The following CABLES1 variants were observed in gnomAD, a reference collection of about 807,000 sequenced individuals.
CABLES1 encodes Cdk5 and Abl enzyme substrate 1.
Under a neutral mutation model 57.8 loss-of-function variants are expected in CABLES1, and 36 were observed. The observed-to-expected ratio is 0.62, with a 90% CI of 0.48 to 0.82. CABLES1 has a LOEUF of 0.82. CABLES1 is among the 40% of genes least tolerant of loss of function. The pLI, the probability that CABLES1 is intolerant of heterozygous loss-of-function variation, is 0.00. For synonymous variants in CABLES1, 374 were observed against 363.0 expected (o/e 1.03, Z -0.35); for missense variants, 767 against 836.6 (o/e 0.92, Z 1.03).
chr18:23,135,206 G>A (rs1786132824), upstream of CABLES1, among the ~76,000 whole-genome samples: 2 of 152,096 alleles, frequency 1.3e-5, no homozygotes, highest in Admixed American at 6.5e-5. Context: ...TGGCTTCCGC[G>A]GCCCCGGGAG....
chr18:23,215,944 C>T (rs1371801561), intron 4 of CABLES1, among the ~76,000 whole-genome samples: 5 of 151,976 alleles, frequency 3.3e-5, no homozygotes, highest in Non-Finnish European at 5.9e-5. Flanking sequence ...TTAGTAGAGA[C>T]GGGGTTTCAC....
At chr18:23,205,660 G>A (rs2145042012) in intron 3 of CABLES1, among the ~76,000 whole-genome samples, 1 of 152,296 alleles carries the variant, frequency 6.6e-6, no homozygotes, top group South Asian at 2.1e-4. Context: ...ACTGGAGTAG[G>A]ACGGGCCCTA....
At chr18:23,214,283 A>G in intron 4 of CABLES1, 1 of 455,708 alleles carries the variant, frequency 2.2e-6, no homozygotes, top group Non-Finnish European at 3.9e-6. Flanking sequence ...TTCTTTCTAA[A>G]TCTACATTTT....
intron 1 of CABLES1, among the ~76,000 whole-genome samples, chr18:23,166,246 G>C (rs983100524): frequency 2.7e-5 from 4 of 150,774 alleles, no homozygotes; most frequent in Non-Finnish European, 4.4e-5. Context: ...TCGTTGCCCA[G>C]GCTGGAGTGC....
Position 23,248,974 on chromosome 18 carries a change from G to A in CABLES1, c.1447-3986G>A, listed in dbSNP as rs558041494. Among the ~76,000 whole-genome samples the A allele has an allele frequency of 2.6e-5, 4 of 152,342 alleles. No individual in the cohort carries two copies. In the East Asian group the frequency reaches 5.8e-4, roughly 22 times the overall value. ...CCACCCAGGAGGCTGCAGCTGCCTG[G>A]GACCAGGACTCTGGCTTTGGACTTG... On this transcript the variant is annotated intron_variant, in intron 7 of 9. Transcript: ENST00000256925.
upstream of CABLES1, among the ~76,000 whole-genome samples, chr18:23,134,856 G>C (rs1408210093): frequency 6.6e-6 from 1 of 152,200 alleles, no homozygotes; most frequent in Non-Finnish European, 1.5e-5. Flanking sequence ...TGCATCCCAA[G>C]GCGTGCATTT....
chr18:23,172,739 G>C (rs74965431), intron 1 of CABLES1, among the ~76,000 whole-genome samples: 4,745 of 152,290 alleles, frequency 0.031, 250 homozygotes, highest in African/African-American at 0.11. Flanking sequence ...CAGCTCTCAT[G>C]CTGCAAATTC....
At chr18:23,185,151 C>T (rs890225325) in intron 1 of CABLES1, among the ~76,000 whole-genome samples, 1 of 152,102 alleles carries the variant, frequency 6.6e-6, no homozygotes, top group Non-Finnish European at 1.5e-5. Context: ...TCCAAATGAG[C>T]CTTTCTCGTT....
intron 4 of CABLES1, among the ~76,000 whole-genome samples, chr18:23,218,293 T>C (rs1050959973): frequency 9.6e-5 from 14 of 145,686 alleles, no homozygotes; most frequent in Non-Finnish European, 1.8e-4. Flanking sequence ...CATCCTCACT[T>C]GCCCTGCCTC....
chr18:23,242,858 G>A (rs45568539), intron 7 of CABLES1, among the ~76,000 whole-genome samples: 27,746 of 152,036 alleles, frequency 0.18, 3,234 homozygotes, highest in Non-Finnish European at 0.25. Context: ...CATCTCCCCA[G>A]TGTTGGGGGA....
intron 9 of CABLES1, among the ~76,000 whole-genome samples, chr18:23,254,557 G>T (rs2048117777): frequency 6.6e-6 from 1 of 152,180 alleles, no homozygotes; most frequent in Non-Finnish European, 1.5e-5. Context: ...ATCTTGGCTG[G>T]TGCTGCCATA....
intron 1 of CABLES1, among the ~76,000 whole-genome samples, chr18:23,168,138 AAGC>A (rs1312428078): frequency 6.6e-6 from 1 of 152,182 alleles, no homozygotes; most frequent in African/African-American, 2.4e-5. Flanking sequence ...AGTAGGGAAA[AAGC>A]AGGTGTGGAA....
intron 4 of CABLES1, chr18:23,214,668 C>T (rs2047429204): frequency 6.6e-6 from 1 of 152,446 alleles, no homozygotes; most frequent in African/African-American, 2.4e-5. Flanking sequence ...TTCCTTCCTC[C>T]TTGTGCTCCT....
In CABLES1 at chr18:23,246,687, G is replaced by A. The variant is rs187932430; in HGVS notation, c.1447-6273G>A. Among the ~76,000 whole-genome samples the A allele has an allele frequency of 4.5e-4, 68 of 151,252 alleles. 3 individuals carry two copies. In the East Asian group the frequency reaches 8.2e-3, roughly 18 times the overall value. On this transcript the variant is annotated intron_variant, in intron 7 of 9. Transcript: ENST00000256925. ...ATTATATGCTTGAGCCACCGCACCC[G>A]GCCAGTTTTTTCGTTTTTGTTTTTG...
intron 3 of CABLES1, among the ~76,000 whole-genome samples, chr18:23,200,856 C>T (rs566701217): frequency 1.8e-4 from 28 of 152,200 alleles, no homozygotes; most frequent in Admixed American, 1.0e-3. Context: ...GGAGTTTCTG[C>T]AGGTGGCTGA....
chr18:23,141,308 G>A (rs529913571), intron 1 of CABLES1, among the ~76,000 whole-genome samples: 1 of 152,324 alleles, frequency 6.6e-6, no homozygotes, highest in East Asian at 1.9e-4. Flanking sequence ...AGGAAATCCA[G>A]GCTTGTGCTG....
intron 1 of CABLES1, among the ~76,000 whole-genome samples, chr18:23,161,434 T>G (rs2047003083): frequency 6.6e-6 from 1 of 150,806 alleles, no homozygotes; most frequent in Admixed American, 6.6e-5. Context: ...ACTGATGAAT[T>G]TTGGTGCACT....
chr18:23,231,444 C>T (rs1303542961), intron 4 of CABLES1, among the ~76,000 whole-genome samples: 1 of 152,212 alleles, frequency 6.6e-6, no homozygotes, highest in Non-Finnish European at 1.5e-5. Context: ...ACAAGCCTCA[C>T]GTGTCTCCAG....
chr18:23,198,257 TCAAAAA>T (rs1019141951), intron 3 of CABLES1, among the ~76,000 whole-genome samples: 4 of 152,118 alleles, frequency 2.6e-5, no homozygotes, highest in African/African-American at 4.8e-5. Flanking sequence ...AAACCCTGTC[TCAAAAA>T]CAAAAACCCA....
Sources: gnomAD v4.1 joint callset for allele counts (sites outside exome capture counted in the v4.1 genomes callset) on GRCh38, gnomAD v4.1.1 for gene constraint, MANE v1.5 for transcripts, NCBI Gene and HGNC (gene_info 2026-07-23, HGNC 2026-07-21) for gene names.